DIP2A: variants seen among roughly 807,000 people sequenced by gnomAD.
DIP2A encodes the protein DIP2 acetate--CoA ligase A, also known as disco-interacting protein 2 homolog A.
A neutral mutation model predicts 177.4 loss-of-function variants in DIP2A; 85 were observed. The observed-to-expected ratio is 0.48, with a 90% CI of 0.40 to 0.57. The LOEUF (loss-of-function observed/expected upper bound fraction) is 0.57. DIP2A is among the 20% of genes least tolerant of loss of function. The probability of loss-of-function intolerance (pLI) is 0.00; values close to 1 mark genes in which losing one functional copy is unlikely to be tolerated. For missense variants in DIP2A, 1,791 were observed against 2,100.2 expected (o/e 0.85, Z 2.88); for synonymous variants, 886 against 881.8 (o/e 1.00, Z -0.08).
intron 6 of DIP2A, among the ~76,000 whole-genome samples, chr21:46,507,891 C>T (rs1180593874): frequency 6.6e-6 from 1 of 151,232 alleles, no homozygotes; most frequent in Non-Finnish European, 1.5e-5. Context: ...ACTACAGGTG[C>T]ATACCAGCAA....
At chr21:46,460,422 A>G (rs557188295) in intron 1 of DIP2A, among the ~76,000 whole-genome samples, 1 of 152,336 alleles carries the variant, frequency 6.6e-6, no homozygotes, top group Admixed American at 6.5e-5. Context: ...TCTGTTTTTG[A>G]GATCTAAATG....
In DIP2A at chr21:46,472,107, T is replaced by G. The variant is rs576522352; in HGVS notation, c.92-12650T>G. Among the ~76,000 whole-genome samples, 13 of 152,236 alleles carry G rather than the reference T, an allele frequency of 8.5e-5. No homozygotes were observed. In the East Asian group the frequency reaches 2.5e-3, roughly 29 times the overall value. ...AGGAGATATTTAAGATCAAATGAGG[T>G]CAAGGGGGTGGGCCCTCATCCAATA... On this transcript the variant is annotated intron_variant, in intron 1 of 37. Transcript: ENST00000417564.
chr21:46,482,920 A>G (rs2056444839), intron 1 of DIP2A, among the ~76,000 whole-genome samples: 1 of 152,204 alleles, frequency 6.6e-6, no homozygotes, highest in African/African-American at 2.4e-5. Context: ...TAAACCTTAA[A>G]AAGTTGTGCA....
At chr21:46,496,898 C>G in intron 3 of DIP2A, 90 bp from the exon 4 acceptor site, 2 of 1,350,530 alleles carry the variant, frequency 1.5e-6, no homozygotes, top group Non-Finnish European at 2.0e-6. Flanking sequence ...CTTTTACCCC[C>G]ACTGAAAACA....
chr21:46,538,644 C>T (rs182666028), intron 16 of DIP2A, 42 bp downstream of exon 16: 49 of 1,538,936 alleles, frequency 3.2e-5, no homozygotes, highest in Admixed American at 1.8e-4. Flanking sequence ...CACACAGTGT[C>T]CCCTCCTGCA....
chr21:46,567,634 C>T lies in DIP2A; in HGVS notation c.*12C>T, dbSNP rs8127941. 0.18 allele frequency: 275,644 copies of T among 1,565,300 alleles called. 25,938 individuals are homozygous for T. Among genetic ancestry groups the T allele is most frequent in the African/African-American group, 0.24 (17,821 of 73,944 alleles). On this transcript the variant is annotated 3_prime_UTR_variant, in exon 38 of 38. Coordinates refer to ENST00000417564, the MANE Select transcript of DIP2A (RefSeq NM_015151.4). ...CCTACAACATGTGAGCGCAGCACAC[C>T]GGCCCAGGTGCCGGAGATGAATGAG...
At chr21:46,496,879 C>A in intron 3 of DIP2A, 109 bp from the exon 4 acceptor site, 1 of 1,113,294 alleles carries the variant, frequency 9.0e-7, no homozygotes. Context: ...ACAGAGAGAG[C>A]TTCTATTCCT....
At chr21:46,489,605 G>C (rs192535909) in intron 2 of DIP2A, among the ~76,000 whole-genome samples, 1 of 152,314 alleles carries the variant, frequency 6.6e-6, no homozygotes, top group East Asian at 1.9e-4. Flanking sequence ...GCGCTTGTTG[G>C]GGCAGTCACT....
chr21:46,478,100 T>C (rs1208662891), intron 1 of DIP2A, among the ~76,000 whole-genome samples: 1 of 152,212 alleles, frequency 6.6e-6, no homozygotes, highest in Non-Finnish European at 1.5e-5. Flanking sequence ...TGGTAAAGTC[T>C]GCCCTTTTAA....
chr21:46,560,854 A>G (rs1376237604), intron 33 of DIP2A, 71 bp downstream of exon 33: 1 of 1,544,230 alleles, frequency 6.5e-7, no homozygotes, highest in African/African-American at 1.4e-5. Context: ...GTCTGCACTG[A>G]CTATGCACCC....
the DIP2A span, among the ~76,000 whole-genome samples, chr21:46,583,607 G>A: frequency 6.6e-6 from 1 of 152,178 alleles, no homozygotes; most frequent in Admixed American, 6.5e-5. Context: ...GAAGGTGTCG[G>A]GAGGTGGGAA....
intron 1 of DIP2A, among the ~76,000 whole-genome samples, chr21:46,464,780 G>A (rs1453063974): frequency 2.2e-5 from 3 of 135,518 alleles, no homozygotes; most frequent in Non-Finnish European, 4.7e-5. Context: ...CTGCTGCATT[G>A]GGCACTGAGT....
chr21:46,484,447 T>G (rs1568943260), intron 1 of DIP2A, among the ~76,000 whole-genome samples: 1 of 152,224 alleles, frequency 6.6e-6, no homozygotes, highest in South Asian at 2.1e-4. Flanking sequence ...CCACTAGCTG[T>G]ATCTGACGCT....
At chr21:46,560,655 G>C (rs561513971) in intron 32 of DIP2A, 67 bp from the exon 33 acceptor site, 217 of 1,553,084 alleles carry the variant, frequency 1.4e-4, no homozygotes, top group Non-Finnish European at 9.4e-5. Context: ...CCATGCAGCT[G>C]TACCTGTAGA....
chr21:46,546,706 C>G (rs113831033), intron 20 of DIP2A, among the ~76,000 whole-genome samples: 1 of 152,188 alleles, frequency 6.6e-6, no homozygotes. Flanking sequence ...CCCACCAGCC[C>G]CCATTCCTTC....
chr21:46,475,955 G>T (rs552457520), intron 1 of DIP2A, among the ~76,000 whole-genome samples: 34 of 152,204 alleles, frequency 2.2e-4, no homozygotes, highest in Middle Eastern at 6.8e-3. Context: ...ATGATGATTG[G>T]CTGGGCGCAG....
intron 1 of DIP2A, among the ~76,000 whole-genome samples, chr21:46,461,636 T>A (rs968448716): frequency 1.3e-5 from 2 of 152,196 alleles, no homozygotes; most frequent in Admixed American, 1.3e-4. Context: ...GTTTCCTATC[T>A]GTTGGATCCA....
Position 46,557,683 on chromosome 21 carries a change from T to C in DIP2A, c.3728T>C (p.Val1243Ala). ...LSAVSQYKAR[V>A]TFCSYSVMEM... ...GCCGTCAGCCAGTACAAGGCCCGCGTCACCTTCTGCTCCTACTCTGTGATG... is the reference window on the plus strand; with the variant it reads ...GCCGTCAGCCAGTACAAGGCCCGCGCCACCTTCTGCTCCTACTCTGTGATG... Residue 1243 changes from valine (V) to alanine (A), a missense_variant, in exon 31 of 38, where the codon GTC (valine) becomes GCC (alanine). Coordinates refer to ENST00000417564, the MANE Select transcript of DIP2A (RefSeq NM_015151.4). The surrounding 1 kb of genome is among the most constrained non-coding windows in gnomAD (Gnocchi z 6.0). 6.2e-7 allele frequency: 1 copy of C among 1,613,580 alleles called. No homozygotes were observed.
At chr21:46,492,901 C>T (rs1018503470) in intron 3 of DIP2A, among the ~76,000 whole-genome samples, 2 of 151,064 alleles carry the variant, frequency 1.3e-5, no homozygotes, top group Non-Finnish European at 2.9e-5. Context: ...TATTGCCCCA[C>T]TGCACTCCAG....
Sources: allele counts gnomAD v4.1 joint callset (sites outside exome capture counted in the v4.1 genomes callset), GRCh38; gene constraint gnomAD v4.1.1; non-coding constraint Gnocchi (gnomAD v3.1); transcripts MANE v1.5; gene names NCBI Gene and HGNC (gene_info 2026-07-23, HGNC 2026-07-21).